RORB: variants seen among roughly 807,000 people sequenced by gnomAD.
RORB encodes the protein nuclear receptor ROR-beta.
RORB carries 6 observed loss-of-function variants against 59.1 expected under a neutral mutation model. The observed-to-expected ratio is 0.10, with a 90% CI of 0.06 to 0.20. The LOEUF is 0.20. Ranked by LOEUF, RORB falls within the 10% of genes least tolerant of loss-of-function variation. The pLI is 1.00. For synonymous variants in RORB, 215 were observed against 204.5 expected, an observed-to-expected ratio of 1.05 and a Z score of -0.44; for missense variants, 320 against 560.5, an observed-to-expected ratio of 0.57 and a Z score of 4.33.
intron 4 of RORB, among the ~76,000 whole-genome samples, chr9:74,648,725 A>G (rs1480106904): frequency 6.6e-6 from 1 of 152,180 alleles, no homozygotes; most frequent in Non-Finnish European, 1.5e-5. Flanking sequence ...AAAACAAAAC[A>G]AAACAATAAA....
chr9:74,633,971 G>C (rs1250071099), intron 2 of RORB, among the ~76,000 whole-genome samples: 3 of 151,984 alleles, frequency 2.0e-5, no homozygotes, highest in African/African-American at 7.2e-5. Flanking sequence ...TCTGAGGCAG[G>C]AGGATCACTT....
intron 1 of RORB, among the ~76,000 whole-genome samples, chr9:74,592,194 T>C (rs1475785631): frequency 1.3e-5 from 2 of 152,164 alleles, no homozygotes; most frequent in Non-Finnish European, 2.9e-5. Context: ...AATGCAGGAC[T>C]TCAGGAATGA....
intron 1 of RORB, among the ~76,000 whole-genome samples, chr9:74,547,706 G>A (rs1414758443): frequency 6.6e-6 from 1 of 152,178 alleles, no homozygotes; most frequent in African/African-American, 2.4e-5. Flanking sequence ...CAGTGTGTGA[G>A]AAGATGAGGT....
chr9:74,637,227 C>T (rs1823718761), intron 3 of RORB, among the ~76,000 whole-genome samples: 1 of 152,192 alleles, frequency 6.6e-6, no homozygotes, highest in Non-Finnish European at 1.5e-5. Flanking sequence ...TTGGTATATG[C>T]ATTTGCTCTC....
intron 1 of RORB, among the ~76,000 whole-genome samples, chr9:74,598,587 T>C (rs1441329354): frequency 6.6e-6 from 1 of 152,248 alleles, no homozygotes; most frequent in African/African-American, 2.4e-5. Context: ...TGGAATATGA[T>C]ACTAATCCAT....
chr9:74,670,890 C>T (rs908986966), intron 8 of RORB, among the ~76,000 whole-genome samples: 7 of 152,178 alleles, frequency 4.6e-5, no homozygotes, highest in Admixed American at 2.0e-4. Context: ...TTCATCCTGT[C>T]TAGGATTACA....
intron 1 of RORB, among the ~76,000 whole-genome samples, chr9:74,577,076 A>C (rs1822647061): frequency 6.6e-6 from 1 of 152,106 alleles, no homozygotes; most frequent in African/African-American, 2.4e-5. Flanking sequence ...GTGTGTGTCT[A>C]TGTATTCTGC....
intron 2 of RORB, 100 bp downstream of exon 2, chr9:74,630,467 T>A: frequency 1.4e-6 from 1 of 707,924 alleles, no homozygotes; most frequent in Non-Finnish European, 2.2e-6. Flanking sequence ...GGCTAAAGGA[T>A]CCTTCTGCCT....
chr9:74,533,452 G>T (rs528534722), intron 1 of RORB, among the ~76,000 whole-genome samples: 1 of 152,140 alleles, frequency 6.6e-6, no homozygotes, highest in African/African-American at 2.4e-5. Context: ...CCAACCTGGA[G>T]AAGTACTAAT....
chr9:74,498,306 T>C, intron 1 of RORB: 1 of 400,360 alleles, frequency 2.5e-6, no homozygotes, highest in Middle Eastern at 7.2e-4. Context: ...GGACGCGGGA[T>C]GGAGAAAGCC....
intron 9 of RORB, among the ~76,000 whole-genome samples, chr9:74,684,127 G>A (rs1190698955): frequency 6.6e-6 from 1 of 152,178 alleles, no homozygotes; most frequent in Non-Finnish European, 1.5e-5. Context: ...TACTGAATAT[G>A]TCAACAGCTC....
chr9:74,685,619 AG>A lies in RORB; in HGVS notation c.*5del. The A allele has an allele frequency of 6.3e-7, 1 of 1,587,088 alleles. No homozygotes were observed. Among genetic ancestry groups the A allele is most frequent in the East Asian group, 2.3e-5 (1 of 44,290 alleles). ...TGACTGTGCCACCGGCTGCAAATGA[AG>A]GGGACAAGAGAACTGTCTCATAGTC... On this transcript the variant is annotated 3_prime_UTR_variant, in exon 10 of 10. Coordinates refer to ENST00000376896, the MANE Select transcript of RORB (RefSeq NM_006914.4).
In RORB at chr9:74,681,245, T is replaced by C. The variant is rs187670604; in HGVS notation, c.1225-4218T>C. ...GCTGTGGAGGCTGCTCTGAGCTCCC[T>C]TTGAAATGGGGGTCCCCTGGCTGCA... is the stretch of plus-strand genomic sequence containing the variant. On this transcript the variant is annotated intron_variant, in intron 9 of 9. Coordinates refer to ENST00000376896, the MANE Select transcript of RORB (RefSeq NM_006914.4). 6.9e-4 allele frequency among the ~76,000 whole-genome samples: 105 copies of C among 152,254 alleles called. 2 individuals carry two copies. In the East Asian group the frequency reaches 0.019, roughly 28 times the overall value.
At chr9:74,631,578 A>G (rs1394091011) in intron 2 of RORB, among the ~76,000 whole-genome samples, 1 of 152,196 alleles carries the variant, frequency 6.6e-6, no homozygotes, top group African/African-American at 2.4e-5. Context: ...AATGGTCTCA[A>G]AAAGGCATGA....
chr9:74,629,543 A>G (rs1823580752), intron 1 of RORB, among the ~76,000 whole-genome samples: 1 of 152,036 alleles, frequency 6.6e-6, no homozygotes, highest in African/African-American at 2.4e-5. Flanking sequence ...CTTCGTCCTA[A>G]TTAAATCCTG....
chr9:74,671,090 G>T (rs901738233), intron 8 of RORB, among the ~76,000 whole-genome samples: 1 of 151,838 alleles, frequency 6.6e-6, no homozygotes, highest in Non-Finnish European at 1.5e-5. Context: ...GAAGGAGAGA[G>T]TGAAGGAGAG....
At chr9:74,552,400 C>G (rs1396272782) in intron 1 of RORB, among the ~76,000 whole-genome samples, 1 of 152,124 alleles carries the variant, frequency 6.6e-6, no homozygotes, top group South Asian at 2.1e-4. Context: ...GGCTTTCTGA[C>G]TTTGAGCAAG....
chr9:74,565,383 T>G (rs895248390), intron 1 of RORB, among the ~76,000 whole-genome samples: 4 of 152,186 alleles, frequency 2.6e-5, no homozygotes, highest in Non-Finnish European at 5.9e-5. Context: ...GAACAATGAA[T>G]CTTTGAGACA....
intron 1 of RORB, among the ~76,000 whole-genome samples, chr9:74,554,856 C>T (rs1242566102): frequency 6.6e-6 from 1 of 152,164 alleles, no homozygotes; most frequent in African/African-American, 2.4e-5. Context: ...CATCCTAGAA[C>T]ATGAGCCAGC....
Sources: allele counts gnomAD v4.1 joint callset (sites outside exome capture counted in the v4.1 genomes callset), GRCh38; gene constraint gnomAD v4.1.1; transcripts MANE v1.5; gene names NCBI Gene and HGNC (gene_info 2026-07-23, HGNC 2026-07-21).